Variants in ZNF385B observed in about 807,000 individuals in gnomAD.
ZNF385B encodes the protein zinc finger protein 385B.
A neutral mutation model predicts 39.2 loss-of-function variants in ZNF385B; 23 were observed. The observed-to-expected ratio is 0.59, with a 90% CI of 0.42 to 0.83. The LOEUF is 0.83. Among genes scored for constraint, ZNF385B ranks in the 40% least tolerant of loss-of-function variants. ZNF385B has a pLI of 0.00. For missense variants in ZNF385B, 552 were observed against 598.9 expected (o/e 0.92, Z 0.82); for synonymous variants, 205 against 222.6 (o/e 0.92, Z 0.70).
At chr2:179,687,695 T>C (rs1698031452) in intron 3 of ZNF385B, among the ~76,000 whole-genome samples, 1 of 152,186 alleles carries the variant, frequency 6.6e-6, no homozygotes, top group African/African-American at 2.4e-5. Context: ...TAGTTCAAGT[T>C]GTGGCTCTGA....
intron 3 of ZNF385B, among the ~76,000 whole-genome samples, chr2:179,577,132 G>T (rs1685920611): frequency 6.6e-6 from 1 of 152,068 alleles, no homozygotes. Context: ...TGTAACATTG[G>T]GCTAATAGAG....
intron 3 of ZNF385B, among the ~76,000 whole-genome samples, chr2:179,715,664 T>C (rs537613357): frequency 1.1e-4 from 16 of 151,810 alleles, no homozygotes; most frequent in African/African-American, 3.9e-4. Context: ...AAATTAAGGT[T>C]GATATATGCA....
At chr2:179,789,677 A>G (rs1302253847) in intron 1 of ZNF385B, among the ~76,000 whole-genome samples, 3 of 152,204 alleles carry the variant, frequency 2.0e-5, no homozygotes, top group African/African-American at 7.2e-5. Flanking sequence ...TGGTGAAAGC[A>G]CATTGAAGCA....
At chr2:179,493,406 T>G (rs950900799) in intron 5 of ZNF385B, among the ~76,000 whole-genome samples, 1 of 151,646 alleles carries the variant, frequency 6.6e-6, no homozygotes, top group Admixed American at 6.6e-5. Context: ...CATACATATA[T>G]GTACACAAAT....
intron 1 of ZNF385B, among the ~76,000 whole-genome samples, chr2:179,840,627 C>A (rs927655267): frequency 5.9e-5 from 9 of 152,268 alleles, no homozygotes; most frequent in African/African-American, 2.2e-4. Flanking sequence ...AGGAATGATA[C>A]AAAATTTGTT....
intron 1 of ZNF385B, among the ~76,000 whole-genome samples, chr2:179,787,385 A>G (rs1381939234): frequency 6.6e-6 from 1 of 152,106 alleles, no homozygotes; most frequent in Admixed American, 6.6e-5. Flanking sequence ...GGTACGTAGT[A>G]GAAAATATAT....
intron 1 of ZNF385B, among the ~76,000 whole-genome samples, chr2:179,824,609 A>C (rs1454400062): frequency 6.6e-6 from 1 of 152,114 alleles, no homozygotes; most frequent in Non-Finnish European, 1.5e-5. Context: ...ATTTAAATAA[A>C]CTTGGCATTT....
chr2:179,620,593 T>A (rs1340827917), intron 3 of ZNF385B, among the ~76,000 whole-genome samples: 1 of 152,140 alleles, frequency 6.6e-6, no homozygotes, highest in Non-Finnish European at 1.5e-5. Context: ...TTTAAAATCT[T>A]ATTTTTGCTA....
intron 3 of ZNF385B, among the ~76,000 whole-genome samples, chr2:179,555,202 G>A (rs2060827175): frequency 6.7e-6 from 1 of 149,682 alleles, no homozygotes; most frequent in Non-Finnish European, 1.5e-5. Flanking sequence ...GATCTTGCAA[G>A]CATAACGTTG....
chr2:179,803,878 C>T (rs956397052), intron 1 of ZNF385B, among the ~76,000 whole-genome samples: 5 of 152,100 alleles, frequency 3.3e-5, no homozygotes, highest in African/African-American at 1.2e-4. Flanking sequence ...GGTTGTGCTA[C>T]ACAATGGAGA....
At chr2:179,799,222 C>A (rs898015268) in intron 1 of ZNF385B, among the ~76,000 whole-genome samples, 1 of 151,864 alleles carries the variant, frequency 6.6e-6, no homozygotes, top group African/African-American at 2.4e-5. Flanking sequence ...CATAGTCGAA[C>A]GAAAAAGGTG....
intron 1 of ZNF385B, among the ~76,000 whole-genome samples, chr2:179,785,638 G>A (rs541887920): frequency 3.5e-4 from 54 of 152,218 alleles, no homozygotes; most frequent in African/African-American, 1.1e-3. Context: ...AACTGCAGGC[G>A]TGACGGAAAT....
intron 3 of ZNF385B, among the ~76,000 whole-genome samples, chr2:179,668,798 A>G (rs1054027595): frequency 6.6e-6 from 1 of 152,214 alleles, no homozygotes; most frequent in Non-Finnish European, 1.5e-5. Flanking sequence ...CTAAAGATTT[A>G]TTAAAATGAT....
intron 5 of ZNF385B, among the ~76,000 whole-genome samples, chr2:179,493,675 A>ATATATG (rs2055647097): frequency 2.4e-5 from 3 of 126,610 alleles, no homozygotes; most frequent in Non-Finnish European, 5.3e-5. Context: ...ATGCATATGC[A>ATATATG]TATACATATA....
chr2:179,808,107 A>T (rs1347839814), intron 1 of ZNF385B, among the ~76,000 whole-genome samples: 2 of 151,638 alleles, frequency 1.3e-5, no homozygotes, highest in Non-Finnish European at 2.9e-5. Context: ...ATCTCAGCTC[A>T]ATGCAAGCTC....
At chr2:179,836,506 G>A (rs1288534544) in intron 1 of ZNF385B, among the ~76,000 whole-genome samples, 1 of 120,658 alleles carries the variant, frequency 8.3e-6, no homozygotes, top group Non-Finnish European at 1.7e-5. Flanking sequence ...CAAGGTTCTT[G>A]CGTTTTCTTT....
chr2:179,846,037 T>C (rs115258845), intron 1 of ZNF385B, among the ~76,000 whole-genome samples: 1 of 152,354 alleles, frequency 6.6e-6, no homozygotes, highest in Non-Finnish European at 1.5e-5. Context: ...AATGACTGAA[T>C]ACATACTTTT....
intron 5 of ZNF385B, among the ~76,000 whole-genome samples, chr2:179,502,745 G>A (rs888657184): frequency 7.9e-5 from 12 of 152,092 alleles, no homozygotes; most frequent in Admixed American, 3.3e-4. Flanking sequence ...TCTGTTGAAG[G>A]AACCAAATCC....
At chr2:179,817,846 T>C (rs1291494285) in intron 1 of ZNF385B, among the ~76,000 whole-genome samples, 1 of 152,132 alleles carries the variant, frequency 6.6e-6, no homozygotes, top group Non-Finnish European at 1.5e-5. Context: ...TGTGTGTCAA[T>C]CTGAGAAAGA....
Sources: allele counts gnomAD v4.1 joint callset (sites outside exome capture counted in the v4.1 genomes callset), GRCh38; gene constraint gnomAD v4.1.1; transcripts MANE v1.5; gene names NCBI Gene and HGNC (gene_info 2026-07-23, HGNC 2026-07-21).